NPHP3: variants seen among roughly 807,000 people sequenced by gnomAD.
NPHP3 encodes the protein nephrocystin 3, also known as nephrocystin-3.
NPHP3 carries 123 observed loss-of-function variants against 171.9 expected under a neutral mutation model. The observed-to-expected ratio is 0.72, with a 90% CI of 0.62 to 0.83. The LOEUF is 0.83. Among genes scored for constraint, NPHP3 ranks in the 40% least tolerant of loss-of-function variants. NPHP3 has a pLI of 0.00. For missense variants in NPHP3, 1,506 were observed against 1,591.9 expected, an observed-to-expected ratio of 0.95 and a Z score of 0.92; for synonymous variants, 558 against 579.2, an observed-to-expected ratio of 0.96 and a Z score of 0.52.
chr3:132,697,247 G>A lies in NPHP3; in HGVS notation c.2088+13C>T. On this transcript the variant is annotated intron_variant, in intron 14 of 26. Transcript: ENST00000337331. The stretch of plus-strand genomic sequence containing the variant: ...AGAGAGTAAAAGATTGCATCAAAAT[G>A]AAAAATACACACCTGCTCTTTACTC... 2 of 1,537,146 alleles carry A rather than the reference G, an allele frequency of 1.3e-6. No individual in the cohort carries two copies. The highest frequency in any genetic ancestry group is 2.2e-5 in the South Asian group (2 of 89,566).
intron 22 of NPHP3, 76 bp downstream of exon 22, chr3:132,687,075 C>A: frequency 1.4e-6 from 1 of 734,422 alleles, no homozygotes; most frequent in Middle Eastern, 2.3e-4. Context: ...AGCTCTTAAA[C>A]ATGTGGGGTG....
chr3:132,699,649 G>A (rs1045716561), intron 12 of NPHP3, among the ~76,000 whole-genome samples, 199 bp from the exon 13 acceptor site: 1 of 152,036 alleles, frequency 6.6e-6, no homozygotes, highest in African/African-American at 2.4e-5. Flanking sequence ...CTCTGGACAC[G>A]TCAGGAAATG....
intron 14 of NPHP3, 123 bp downstream of exon 14, chr3:132,697,137 G>C (rs1424317573): frequency 3.9e-6 from 3 of 763,720 alleles, no homozygotes; most frequent in Non-Finnish European, 6.9e-6. Context: ...ATTTACCAAA[G>C]TAATTACTAA....
At chr3:132,696,554 CA>C (rs1460106217) in intron 15 of NPHP3, among the ~76,000 whole-genome samples, 176 bp downstream of exon 15, 1 of 152,168 alleles carries the variant, frequency 6.6e-6, no homozygotes, top group Non-Finnish European at 1.5e-5. Context: ...TTCTGACAAT[CA>C]TGGACAGTAG....
Position 132,722,061 on chromosome 3 carries a change from C to T in NPHP3, c.295G>A (p.Glu99Lys). The change falls in exon 1 of 27, where the codon GAG becomes AAG. Residue 99 changes from glutamate to lysine, a missense_variant. Transcript: ENST00000337331. Reference protein sequence around the residue: ...AEYERLRKEYEIFRVSKNQEL... With the variant: ...AEYERLRKEYKIFRVSKNQEL... ...TGGTTCTTGCTGACGCGAAAGATCT[C>T]GTACTCCTTCCTGAGCCGCTCGTAC... 1 of 1,612,820 alleles carries T rather than the reference C, an allele frequency of 6.2e-7. No homozygotes were observed. The highest frequency in any genetic ancestry group is 8.5e-7 in the Non-Finnish European group (1 of 1,179,888).
chr3:132,699,579 G>T (rs1297114273), intron 12 of NPHP3, 129 bp from the exon 13 acceptor site: 2 of 732,448 alleles, frequency 2.7e-6, no homozygotes, highest in East Asian at 2.7e-5. Flanking sequence ...TTATTTTGGG[G>T]TGATTTATTT....
chr3:132,696,867 T>C, intron 14 of NPHP3, 54 bp from the exon 15 acceptor site: 1 of 1,416,248 alleles, frequency 7.1e-7, no homozygotes, highest in Non-Finnish European at 9.9e-7. Context: ...CACCCTGGAA[T>C]TAAGCGGTCT....
At chr3:132,705,194 T>G (rs1023974013) in intron 8 of NPHP3, among the ~76,000 whole-genome samples, 1 of 152,022 alleles carries the variant, frequency 6.6e-6, no homozygotes, top group South Asian at 2.1e-4. Flanking sequence ...TAATTTAAAA[T>G]TTTTTTATAT....
At position 132,687,185 on chromosome 3, in the gene NPHP3, A is replaced by G; in HGVS notation, c.3167T>C (p.Ile1056Thr). The change falls in exon 22 of 27, where the codon ATT (isoleucine) becomes ACT (threonine). Residue 1056 changes from isoleucine to threonine, a missense_variant. By Grantham distance (89) the Ile-to-Thr change is moderately conservative (BLOSUM62 -1). Transcript: ENST00000337331. ...TTTTTTCTTTATAGCTTTCTGATGA[A>G]TTTTAAAGGATTTTTTCCTAAAATG... ...AEHFRKKSFK[I>T]HQKAIKKKGN... The G allele has an allele frequency of 6.8e-7, 1 of 1,467,152 alleles. No individual in the cohort carries two copies. The highest frequency in any genetic ancestry group is 9.5e-7 in the Non-Finnish European group (1 of 1,049,770). The allele number at this position is 1,467,152 out of a possible 1,614,324, so 90.9% of individuals were successfully genotyped here.
At chr3:132,713,308 C>T (rs1223641370) in intron 5 of NPHP3, 22 bp from the exon 6 acceptor site, 2 of 1,550,274 alleles carry the variant, frequency 1.3e-6, no homozygotes, top group East Asian at 4.6e-5. Context: ...TGAAAACATA[C>T]AAAAGTTTAA....
chr3:132,719,791 C>T lies in NPHP3; in HGVS notation c.433G>A (p.Glu145Lys). ...TGGTATTTCGCTTCTAAAGCACTTT[C>T]TTTTTCTCGAAGTATCTTCTGATAC... The part of the protein sequence containing the change: ...KTYQKILREK[E>K]SALEAKYQAM... The change falls in exon 2 of 27, where the codon GAA becomes AAA. Residue 145 changes from glutamate to lysine, a missense_variant. Transcript: ENST00000337331. 1 of 1,600,106 alleles carries T rather than the reference C, an allele frequency of 6.2e-7. No homozygotes were observed. The highest frequency in any genetic ancestry group is 1.3e-5 in the African/African-American group (1 of 74,810).
At chr3:132,705,693 G>A (rs1225034503) in intron 8 of NPHP3, 47 bp downstream of exon 8, 4 of 1,002,414 alleles carry the variant, frequency 4.0e-6, no homozygotes, top group Non-Finnish European at 6.3e-6. Flanking sequence ...CATAGAAAGT[G>A]ATCTTAAAAT....
chr3:132,685,264 C>T (rs556204894), intron 23 of NPHP3: 1 of 160,152 alleles, frequency 6.2e-6, no homozygotes, highest in Non-Finnish European at 1.4e-5. Flanking sequence ...CAGGTGTGTA[C>T]CACCATGTCT....
intron 9 of NPHP3, among the ~76,000 whole-genome samples, chr3:132,701,929 G>A (rs1939619954): frequency 6.6e-6 from 1 of 152,184 alleles, no homozygotes; most frequent in East Asian, 1.9e-4. Flanking sequence ...AGGAGGCTGA[G>A]GCAAGAGAAT....
intron 7 of NPHP3, 63 bp downstream of exon 7, chr3:132,708,038 T>C (rs556096178): frequency 3.3e-6 from 5 of 1,520,544 alleles, no homozygotes; most frequent in South Asian, 1.2e-5. Flanking sequence ...GCCCACCTCA[T>C]GGCCTTTGCT....
chr3:132,693,604 TG>T (rs1939358060), intron 16 of NPHP3: 1 of 152,582 alleles, frequency 6.6e-6, no homozygotes, highest in African/African-American at 2.4e-5. Flanking sequence ...CAGGGCGCAG[TG>T]GCTCACGCCT....
intron 10 of NPHP3, 99 bp downstream of exon 10, chr3:132,701,331 G>T: frequency 1.3e-6 from 1 of 792,476 alleles, no homozygotes; most frequent in Non-Finnish European, 2.2e-6. Flanking sequence ...TTAATGTTTA[G>T]TGTAGGCCGC....
intron 7 of NPHP3, 84 bp downstream of exon 7, chr3:132,708,017 G>T (rs878872956): frequency 7.5e-7 from 1 of 1,334,112 alleles, no homozygotes. Flanking sequence ...CCCCAGATAT[G>T]CCAGGCTTAT....
At chr3:132,682,476 C>T in intron 26 of NPHP3, 1 of 579,074 alleles carries the variant, frequency 1.7e-6, no homozygotes, top group Non-Finnish European at 3.1e-6. Context: ...TATAAACCAT[C>T]CTTCACTGTT....
Sources: allele counts gnomAD v4.1 joint callset (sites outside exome capture counted in the v4.1 genomes callset), GRCh38; gene constraint gnomAD v4.1.1; transcripts MANE v1.5; gene names NCBI Gene and HGNC (gene_info 2026-07-23, HGNC 2026-07-21).